The following EYS variants were observed in gnomAD, a reference collection of about 807,000 sequenced individuals.
EYS encodes protein eyes shut homolog.
In EYS, 250 loss-of-function variants were observed where a neutral mutation model predicts 282.1. The ratio of observed to expected loss-of-function variants is 0.89; its 90% CI spans 0.80 to 0.98. The LOEUF is 0.98. Ranked by LOEUF, EYS falls within the 50% of genes least tolerant of loss-of-function variation. EYS has a pLI of 0.00. For missense variants in EYS, 4,016 were observed against 3,709.0 expected (o/e 1.08, Z -2.15); for synonymous variants, 1,355 against 1,282.9 (o/e 1.06, Z -1.20).
chr6:65,372,339 TA>T (rs1164813317), intron 8 of EYS, among the ~76,000 whole-genome samples: 5 of 152,068 alleles, frequency 3.3e-5, no homozygotes, highest in Non-Finnish European at 7.4e-5. Context: ...CATTTCTAAC[TA>T]TATGTATTAA....
In EYS at chr6:64,591,473, G is replaced by A; in HGVS notation, c.4394C>T (p.Ala1465Val). The change falls in exon 26 of 43, where the codon GCT becomes GTT. Residue 1465 changes from alanine to valine, a missense_variant. Transcript: ENST00000503581. ...TGAATATTCTTCAATATCCTCTTGA[G>A]CCCCCCTAGAGACAACTGGAGTTGC... ...ISATPVVSRG[A>V]QEDIEEYSAD... 1 of 1,551,254 alleles carries A rather than the reference G, an allele frequency of 6.4e-7. No homozygotes were observed. The highest frequency in any genetic ancestry group is 2.4e-5 in the East Asian group (1 of 40,878).
At chr6:65,230,748 GA>G (rs1216086050) in intron 12 of EYS, among the ~76,000 whole-genome samples, 1 of 151,560 alleles carries the variant, frequency 6.6e-6, no homozygotes, top group Non-Finnish European at 1.5e-5. Context: ...AGTAAGGCCT[GA>G]AATTTGTCTG....
chr6:64,309,373 A>G lies in EYS; in HGVS notation c.6079-2291T>C, dbSNP rs572170441. Among the ~76,000 whole-genome samples, 8 of 152,296 alleles carry G rather than the reference A, an allele frequency of 5.3e-5. No individual in the cohort carries two copies. In the South Asian group the frequency reaches 1.7e-3, roughly 32 times the overall value. ...CATTATGAATTAAAAATGCATATTA[A>G]TTTATTCACCTTGGGCTTTGAAAAA... is the stretch of plus-strand genomic sequence containing the variant. On this transcript the variant is annotated intron_variant, in intron 29 of 42. Coordinates refer to ENST00000503581, the MANE Select transcript of EYS (RefSeq NM_001142800.2).
At chr6:65,348,168 A>G (rs924739297) in intron 9 of EYS, among the ~76,000 whole-genome samples, 1 of 151,772 alleles carries the variant, frequency 6.6e-6, no homozygotes, top group Non-Finnish European at 1.5e-5. Context: ...AATCTTGGCT[A>G]TTGTGAACAG....
intron 9 of EYS, among the ~76,000 whole-genome samples, chr6:65,346,680 G>A (rs566602655): frequency 6.6e-6 from 1 of 151,542 alleles, no homozygotes; most frequent in East Asian, 1.9e-4. Flanking sequence ...CTTTTTAGGG[G>A]AAAAAATACA....
intron 12 of EYS, among the ~76,000 whole-genome samples, chr6:65,200,012 T>C (rs953372618): frequency 6.6e-5 from 10 of 152,098 alleles, no homozygotes; most frequent in Non-Finnish European, 1.5e-5. Flanking sequence ...TTATTTTGAA[T>C]ATGATGAAGT....
At chr6:64,981,767 G>T (rs1427486308) in intron 14 of EYS, among the ~76,000 whole-genome samples, 1 of 151,282 alleles carries the variant, frequency 6.6e-6, no homozygotes, top group African/African-American at 2.4e-5. Context: ...ATTTTTAAAT[G>T]GTTTCTCTCA....
At chr6:63,996,179 A>G (rs1022586659) in intron 34 of EYS, among the ~76,000 whole-genome samples, 2 of 152,074 alleles carry the variant, frequency 1.3e-5, no homozygotes, top group Non-Finnish European at 2.9e-5. Context: ...ATGGTACAAC[A>G]TAGATGAACC....
At chr6:65,626,811 T>C (rs555392160) in intron 2 of EYS, among the ~76,000 whole-genome samples, 1 of 152,086 alleles carries the variant, frequency 6.6e-6, no homozygotes, top group South Asian at 2.1e-4. Context: ...ATATATTGAC[T>C]ATGTGTGTGC....
chr6:65,369,303 T>G (rs963732104), intron 8 of EYS, among the ~76,000 whole-genome samples: 2 of 66,204 alleles, frequency 3.0e-5, no homozygotes, highest in East Asian at 7.2e-4. Context: ...TATATTTATG[T>G]ATAATATATA....
chr6:63,939,320 A>G (rs1231652726), intron 35 of EYS, among the ~76,000 whole-genome samples: 2 of 152,164 alleles, frequency 1.3e-5, no homozygotes, highest in East Asian at 3.9e-4. Context: ...AAGACGCAGG[A>G]AAGTCCCCAC....
At chr6:63,849,209 C>G (rs531636362) in intron 36 of EYS, among the ~76,000 whole-genome samples, 1 of 152,302 alleles carries the variant, frequency 6.6e-6, no homozygotes, top group East Asian at 1.9e-4. Context: ...AGATAAAACT[C>G]CCATCTCCCT....
intron 33 of EYS, among the ~76,000 whole-genome samples, chr6:64,043,591 TC>T (rs1300608671): frequency 6.6e-6 from 1 of 152,236 alleles, no homozygotes; most frequent in Non-Finnish European, 1.5e-5. Context: ...ACTTTCTAGT[TC>T]CTCATTTTCC....
At chr6:64,296,700 G>A (rs1172939007) in intron 30 of EYS, among the ~76,000 whole-genome samples, 1 of 148,932 alleles carries the variant, frequency 6.7e-6, no homozygotes, top group Non-Finnish European at 1.5e-5. Context: ...TCTGCCTCTT[G>A]GGTTCAAGCA....
At chr6:65,115,888 C>T (rs1309864906) in intron 12 of EYS, among the ~76,000 whole-genome samples, 1 of 152,086 alleles carries the variant, frequency 6.6e-6, no homozygotes, top group African/African-American at 2.4e-5. Context: ...TTTCTGACTT[C>T]CAACATTATA....
chr6:65,429,251 G>A (rs1767784616), intron 5 of EYS, among the ~76,000 whole-genome samples: 1 of 152,044 alleles, frequency 6.6e-6, no homozygotes, highest in Non-Finnish European at 1.5e-5. Flanking sequence ...AGGGGCCAGT[G>A]CATGGTGTGC....
chr6:64,386,192 T>C (rs1279005700), intron 29 of EYS, among the ~76,000 whole-genome samples: 2 of 152,218 alleles, frequency 1.3e-5, no homozygotes, highest in Non-Finnish European at 2.9e-5. Context: ...TTAGTGGTGA[T>C]GGCAAGCCAG....
At chr6:63,739,712 A>C (rs1006966604) in intron 41 of EYS, among the ~76,000 whole-genome samples, 1 of 151,984 alleles carries the variant, frequency 6.6e-6, no homozygotes, top group Non-Finnish European at 1.5e-5. Flanking sequence ...CCCCACCCCC[A>C]AGACAGAGTC....
intron 2 of EYS, among the ~76,000 whole-genome samples, chr6:65,514,299 C>G (rs1284472736): frequency 6.6e-6 from 1 of 152,072 alleles, no homozygotes; most frequent in Admixed American, 6.6e-5. Context: ...AGGATACAAA[C>G]AAATGGAAGA....
Sources: allele counts gnomAD v4.1 joint callset (sites outside exome capture counted in the v4.1 genomes callset), GRCh38; gene constraint gnomAD v4.1.1; transcripts MANE v1.5; gene names NCBI Gene and HGNC (gene_info 2026-07-23, HGNC 2026-07-21).